Variants in MSL3 observed in about 807,000 individuals in gnomAD.
MSL3 encodes the protein MSL complex subunit 3, also known as MSL3-like 1.
Under a neutral mutation model 37.2 loss-of-function variants are expected in MSL3, and 5 were observed. The observed-to-expected ratio is 0.13, with a 90% CI of 0.07 to 0.28. The LOEUF (loss-of-function observed/expected upper bound fraction) is 0.28. Ranked by LOEUF, MSL3 falls within the 10% of genes least tolerant of loss-of-function variation. The pLI, the probability that MSL3 is intolerant of heterozygous loss-of-function variation, is 1.00. For missense variants in MSL3, 315 were observed against 408.5 expected, an observed-to-expected ratio of 0.77 and a Z score of 1.97; for synonymous variants, 149 against 147.6, an observed-to-expected ratio of 1.01 and a Z score of -0.07.
intron 7 of MSL3, 103 bp from the exon 8 acceptor site, chrX:11,763,677 A>T: frequency 3.3e-6 from 2 of 605,125 alleles, no homozygotes; most frequent in South Asian, 6.3e-5. Context: ...GTATATAATG[A>T]TTAGATTTAA....
At chrX:11,765,946 T>A in intron 9 of MSL3, 1 of 1,039,603 alleles carries the variant, frequency 9.6e-7, no homozygotes. Context: ...AGGACTGGGC[T>A]GTTTCCTCAG....
chrX:11,760,151 GC>G, intron 2 of MSL3: 1 of 369,474 alleles, frequency 2.7e-6, no homozygotes, highest in Non-Finnish European at 4.6e-6. Context: ...ACCAGAACTT[GC>G]CTATTGTGAC....
In MSL3 at chrX:11,761,558, T is replaced by C. The variant is rs2053133035; in HGVS notation, c.441T>C (p.Ser147=). 8.4e-7 allele frequency: 1 copy of C among 1,190,316 alleles called. No homozygotes were observed. Among genetic ancestry groups the C allele is most frequent in the East Asian group, 3.0e-5 (1 of 33,456 alleles). The change falls in exon 5 of 13, where the codon AGT becomes AGC. Residue 147 remains serine, a synonymous_variant. Coordinates refer to ENST00000312196, the MANE Select transcript of MSL3 (RefSeq NM_078629.4). ...ENKDEEISEE[S]DIEEKTEVKE... Reference sequence around the variant, plus strand: ...AGGATGAAGAAATAAGTGAAGAAAGTGATATTGAAGAAAAGACTGAAGTGG... The same window carrying C: ...AGGATGAAGAAATAAGTGAAGAAAGCGATATTGAAGAAAAGACTGAAGTGG...
At chrX:11,758,625 G>A (rs2053096378) in intron 1 of MSL3, 7 of 1,149,882 alleles carry the variant, frequency 6.1e-6, no homozygotes, top group Admixed American at 2.7e-5. Context: ...TCGCGTTACC[G>A]GGGCTACCGT....
At position 11,768,141 on chromosome X, in the gene MSL3, G is replaced by A. The variant is rs762261100; in HGVS notation, c.1172-432G>A. On this transcript the variant is annotated intron_variant, in intron 9 of 12. Coordinates refer to ENST00000312196, the MANE Select transcript of MSL3 (RefSeq NM_078629.4). Reference sequence around the variant, plus strand: ...TTTTAGTGTATTCACAGAGTTGTGCGACCATCTGCACAGTCAATTCCAGAA... The same window carrying A: ...TTTTAGTGTATTCACAGAGTTGTGCAACCATCTGCACAGTCAATTCCAGAA... Among the ~76,000 whole-genome samples, 5 of 111,210 alleles carry A rather than the reference G, an allele frequency of 4.5e-5. No individual in the cohort carries two copies. The South Asian group carries it at 1.9e-3, about 42-fold the overall frequency.
chrX:11,774,661 T>A (rs768684634), intron 12 of MSL3, among the ~76,000 whole-genome samples: 1 of 111,496 alleles, frequency 9.0e-6, no homozygotes, highest in East Asian at 2.8e-4. Context: ...AACAGAAAAA[T>A]GTAGAAACAT....
At chrX:11,758,819 T>C (rs2053099311) in intron 1 of MSL3, 5 of 1,128,644 alleles carry the variant, frequency 4.4e-6, no homozygotes, top group Middle Eastern at 2.4e-4. Flanking sequence ...CTTGCGACGT[T>C]GTGTCCCTGG....
At chrX:11,758,168 CCGGCCACGGCGCA>C, upstream of MSL3, 4 of 205,940 alleles carry the variant, frequency 1.9e-5, no homozygotes, top group Non-Finnish European at 2.3e-5. Context: ...CCGGCCCCCC[CCGGCCACGGCGCA>C]CCGCCTCCCC....
At chrX:11,761,425 C>A in intron 4 of MSL3, 75 bp from the exon 5 acceptor site, 1 of 598,713 alleles carries the variant, frequency 1.7e-6, no homozygotes, top group Non-Finnish European at 2.6e-6. Flanking sequence ...ACCCACACTA[C>A]ACGTGAAGAT....
At chrX:11,766,258 A>G (rs1344135697) in intron 9 of MSL3, 8 of 759,044 alleles carry the variant, frequency 1.1e-5, no homozygotes, top group African/African-American at 4.6e-5. Flanking sequence ...GAATGTTTCA[A>G]TGAGCAAAAT....
intron 8 of MSL3, 94 bp downstream of exon 8, chrX:11,764,032 A>G (rs2053157675): frequency 1.3e-6 from 1 of 793,825 alleles, no homozygotes. Context: ...GTGTGGGCCA[A>G]CATGTTTGGA....
intron 8 of MSL3, among the ~76,000 whole-genome samples, chrX:11,764,866 C>T (rs1407138823): frequency 8.9e-6 from 1 of 111,932 alleles, no homozygotes; most frequent in African/African-American, 3.3e-5. Flanking sequence ...TTCCCCATGT[C>T]AGTTTCACCC....
At chrX:11,761,372 C>T (rs2053130927) in intron 4 of MSL3, 128 bp from the exon 5 acceptor site, 2 of 413,309 alleles carry the variant, frequency 4.8e-6, no homozygotes, top group Admixed American at 7.9e-5. Flanking sequence ...TTGTGTTTGG[C>T]ATTTAAAAAT....
At position 11,760,439 on chromosome X, in the gene MSL3, T is replaced by C; in HGVS notation, c.222T>C (p.Arg74=). The C allele has an allele frequency of 8.3e-7, 1 of 1,204,781 alleles. No homozygotes were observed. The highest frequency in any genetic ancestry group is 1.1e-6 in the Non-Finnish European group (1 of 892,760). The change falls in exon 3 of 13, where the codon CGT becomes CGC. Residue 74 remains arginine, a synonymous_variant. Transcript: ENST00000312196. ...GGGCAGCAGAAGATCATGTGCTTCGTGATACCGATGAAAATCGTAGATTAC... is the reference window on the plus strand; with the variant it reads ...GGGCAGCAGAAGATCATGTGCTTCGCGATACCGATGAAAATCGTAGATTAC... ...DRWAAEDHVL[R]DTDENRRLQR...
Position 11,772,210 on chromosome X carries a change from C to T in MSL3, c.1336C>T (p.Pro446Ser). The change falls in exon 11 of 13, where the codon CCA (proline) becomes TCA (serine). Residue 446 changes from proline to serine, a missense_variant. By Grantham distance (74) the Pro-to-Ser change is moderately conservative (BLOSUM62 -1). Coordinates refer to ENST00000312196, the MANE Select transcript of MSL3 (RefSeq NM_078629.4). ...TTACCCCCCAGGTGACCAGCCGCCTCCACCCTCTTACATTTATGGGGCACA... is the reference window on the plus strand; with the variant it reads ...TTACCCCCCAGGTGACCAGCCGCCTTCACCCTCTTACATTTATGGGGCACA... The part of the protein sequence containing the change: ...DNYPPGDQPP[P>S]PSYIYGAQHL... The T allele has an allele frequency of 8.3e-7, 1 of 1,210,596 alleles. No homozygotes were observed. The highest frequency in any genetic ancestry group is 1.7e-5 in the African/African-American group (1 of 57,682).
intron 5 of MSL3, 33 bp from the exon 6 acceptor site, chrX:11,762,097 T>A: frequency 9.1e-7 from 1 of 1,104,433 alleles, no homozygotes; most frequent in South Asian, 2.3e-5. Flanking sequence ...TCTACTGTTT[T>A]AAATAGTTAA....
In MSL3 at chrX:11,758,606, C is replaced by G; in HGVS notation, c.102+241C>G. The G allele has an allele frequency of 2.6e-6, 3 of 1,139,454 alleles. No homozygotes were observed. The South Asian group carries it at 6.2e-5, about 23-fold the overall frequency. The allele number at this position is 1,139,454 out of a possible 1,213,427, so 93.9% of individuals were successfully genotyped here. On this transcript the variant is annotated intron_variant, in intron 1 of 12. Coordinates refer to ENST00000312196, the MANE Select transcript of MSL3 (RefSeq NM_078629.4). ...CGCACGCGCGGTTGGGAGCCTCGCC[C>G]ATGCTTTGTCGCGTTACCGGGGCTA...
chrX:11,768,616 T>C lies in MSL3; in HGVS notation c.1215T>C (p.Thr405=). The change falls in exon 10 of 13, where the codon ACT becomes ACC. Residue 405 remains threonine (T), a synonymous_variant. Coordinates refer to ENST00000312196, the MANE Select transcript of MSL3 (RefSeq NM_078629.4). ...GATCATCTTCACCTATTCCTCTGAC[T>C]CCTAGCAAGGAAGGGAGTGCTGTGT... The part of the protein sequence containing the change: ...HSRSSSPIPL[T]PSKEGSAVFA... 3 of 1,208,805 alleles carry C rather than the reference T, an allele frequency of 2.5e-6. No individual in the cohort carries two copies. The highest frequency in any genetic ancestry group is 2.2e-6 in the Non-Finnish European group (2 of 892,680).
In MSL3 at chrX:11,758,767, G is replaced by C. The variant is rs756277801; in HGVS notation, c.102+402G>C. 1.0e-4 allele frequency: 116 copies of C among 1,164,584 alleles called. No homozygotes were observed. In the South Asian group the frequency reaches 2.1e-3, roughly 21 times the overall value. ...CTCCTGTGGGACGCCCTGGCCGTCC[G>C]ATCCAGGTTCTAATTCATAGTTACA... On this transcript the variant is annotated intron_variant, in intron 1 of 12. Coordinates refer to ENST00000312196, the MANE Select transcript of MSL3 (RefSeq NM_078629.4).
Sources: gnomAD v4.1 joint callset for allele counts (sites outside exome capture counted in the v4.1 genomes callset) on GRCh38, gnomAD v4.1.1 for gene constraint, MANE v1.5 for transcripts, NCBI Gene and HGNC (gene_info 2026-07-23, HGNC 2026-07-21) for gene names.